DLG5: variants seen among roughly 807,000 people sequenced by gnomAD.
DLG5 encodes the protein discs large MAGUK scaffold protein 5.
Under a neutral mutation model 189.8 loss-of-function variants are expected in DLG5, and 48 were observed. The ratio of observed to expected loss-of-function variants is 0.25; its 90% CI spans 0.20 to 0.32. The LOEUF is 0.32. Among genes scored for constraint, DLG5 ranks in the 10% least tolerant of loss-of-function variants. The pLI, the probability that DLG5 is intolerant of heterozygous loss-of-function variation, is 1.00. For synonymous variants in DLG5, 1,016 were observed against 1,054.1 expected, an observed-to-expected ratio of 0.96 and a Z score of 0.70; for missense variants, 2,160 against 2,544.7, an observed-to-expected ratio of 0.85 and a Z score of 3.25.
At chr10:77,875,374 G>C (rs1464937847) in intron 1 of DLG5, among the ~76,000 whole-genome samples, 3 of 152,178 alleles carry the variant, frequency 2.0e-5, no homozygotes, top group Non-Finnish European at 4.4e-5. Context: ...TCTCAGAGCA[G>C]GGCTGGCTTG....
At chr10:77,920,389 C>T (rs753549382) in intron 1 of DLG5, among the ~76,000 whole-genome samples, 3 of 152,068 alleles carry the variant, frequency 2.0e-5, no homozygotes, top group East Asian at 1.9e-4. Context: ...CAGCAATGAC[C>T]GCCTGTGCTA....
chr10:77,938,927 G>A, the DLG5 span, among the ~76,000 whole-genome samples: 7 of 152,310 alleles, frequency 4.6e-5, no homozygotes, highest in Admixed American at 2.0e-4. Context: ...AGTGGCTCAC[G>A]CCTGTAATCC....
At chr10:77,865,058 A>T (rs1844618293) in intron 2 of DLG5, among the ~76,000 whole-genome samples, 1 of 152,206 alleles carries the variant, frequency 6.6e-6, no homozygotes, top group South Asian at 2.1e-4. Flanking sequence ...TCCTCCAGGA[A>T]GCTTTCTGTG....
At chr10:77,894,543 CTTTTT>C (rs35379334) in intron 1 of DLG5, among the ~76,000 whole-genome samples, 2 of 95,916 alleles carry the variant, frequency 2.1e-5, no homozygotes, top group Non-Finnish European at 1.9e-5. Context: ...AAGAATAAAG[CTTTTT>C]TTTTTTTTTT....
intron 31 of DLG5, chr10:77,793,618 T>C (rs1011880495): frequency 1.5e-5 from 3 of 199,710 alleles, no homozygotes; most frequent in South Asian, 2.3e-4. Context: ...CCCTGGAGGG[T>C]GCTAGGGACA....
rs1259735086 is a variant in DLG5 at position 77,816,987 on chromosome 10, G to T, written c.3874+20C>A. 1 of 1,611,240 alleles carries T rather than the reference G, an allele frequency of 6.2e-7. No homozygotes were observed. The highest frequency in any genetic ancestry group is 2.2e-5 in the East Asian group (1 of 44,864). ...ACCGCAGGAAAAGCAGGAGAGATGG[G>T]AATGTCGAGAAGTCCTTACCTCTCT... On this transcript the variant is annotated intron_variant, in intron 19 of 31. Coordinates refer to ENST00000372391, the MANE Select transcript of DLG5 (RefSeq NM_004747.4).
rs533681382 is a variant in DLG5, at chr10:77,872,163, G to A, written c.305-2966C>T. Among the ~76,000 whole-genome samples, 25 of 152,212 alleles carry A rather than the reference G, an allele frequency of 1.6e-4. No homozygotes were observed. In the South Asian group the frequency reaches 4.6e-3, roughly 28 times the overall value. ...CTATGCTCAACCCATCCCAGCTTAC[G>A]ACACTGGCAGCCTGCGCTCCAGATG... On this transcript the variant is annotated intron_variant, in intron 1 of 31. Transcript: ENST00000372391.
At chr10:77,880,316 T>C (rs757743235) in intron 1 of DLG5, among the ~76,000 whole-genome samples, 1 of 152,036 alleles carries the variant, frequency 6.6e-6, no homozygotes, top group Non-Finnish European at 1.5e-5. Flanking sequence ...TAGCCGGCCA[T>C]GGTGGCGCAT....
chr10:77,863,906 C>G (rs886294392), intron 2 of DLG5, among the ~76,000 whole-genome samples: 3 of 152,178 alleles, frequency 2.0e-5, no homozygotes, highest in South Asian at 4.1e-4. Context: ...GAAGACACAG[C>G]CCTGCCTTAC....
chr10:77,805,481 C>A (rs1444743829), intron 27 of DLG5, among the ~76,000 whole-genome samples, 184 bp downstream of exon 27: 1 of 152,218 alleles, frequency 6.6e-6, no homozygotes, highest in African/African-American at 2.4e-5. Flanking sequence ...AGGATGGAAG[C>A]CACACCCCAT....
At position 77,821,843 on chromosome 10, in the gene DLG5, G is replaced by A; in HGVS notation, c.2641C>T (p.Pro881Ser). 3 of 1,613,914 alleles carry A rather than the reference G, an allele frequency of 1.9e-6. No homozygotes were observed. Among genetic ancestry groups the A allele is most frequent in the Non-Finnish European group, 2.5e-6 (3 of 1,179,888 alleles). The change falls in exon 15 of 32, where the codon CCC becomes TCC. Residue 881 changes from proline (P) to serine (S), a missense_variant. By Grantham distance (74) the Pro-to-Ser change is moderately conservative. Transcript: ENST00000372391. ...TCAGAGGCACTGGGACAGGCCTGGG[G>A]GCAGACCTGCAAGGGTCCCCCAGGG... ...PFPGGPLQVC[P>S]QACPSASERS... is the part of the protein sequence containing the mutation.
chr10:77,928,144 T>A (rs2068730506), upstream of DLG5: 1 of 152,220 alleles, frequency 6.6e-6, no homozygotes. Context: ...TCTAAGCAGC[T>A]GCACAAGGTG....
chr10:77,885,380 A>T (rs1042177971), intron 1 of DLG5, among the ~76,000 whole-genome samples: 1 of 152,254 alleles, frequency 6.6e-6, no homozygotes, highest in Non-Finnish European at 1.5e-5. Context: ...TCACAGAAGG[A>T]TTTCAAATGC....
rs1568149634 is a variant in DLG5 at position 77,821,386 on chromosome 10, T to C, written c.3098A>G (p.Glu1033Gly). 1 of 1,612,498 alleles carries C rather than the reference T, an allele frequency of 6.2e-7. No individual in the cohort carries two copies. The highest frequency in any genetic ancestry group is 8.5e-7 in the Non-Finnish European group (1 of 1,179,902). Residue 1033 changes from glutamate to glycine, a missense_variant, in exon 15 of 32, where the codon GAG (glutamate) becomes GGG (glycine). Physicochemically the swap from Glu to Gly is moderately conservative, Grantham distance 98. This residue lies in a region of DLG5 where 754 missense variants were observed against 746.5 expected (regional missense o/e 1.01). Coordinates refer to ENST00000372391, the MANE Select transcript of DLG5 (RefSeq NM_004747.4). The part of the protein sequence containing the change: ...KFQHRLETSS[E>G]SEATLVGSSP... ...GCTGCCCACCAGAGTGGCTTCTGAC[T>C]CGGAGCTAGTCTCCAGCCTGTGCTG... is the stretch of plus-strand genomic sequence containing the variant.
In DLG5 at chr10:77,821,100, A is replaced by G. The variant is rs756464379; in HGVS notation, c.3384T>C (p.Ile1128=). 2.8e-5 allele frequency: 45 copies of G among 1,612,734 alleles called. No individual in the cohort carries two copies. The South Asian group carries it at 4.9e-4, about 18-fold the overall frequency. The change falls in exon 15 of 32, where the codon ATT becomes ATC. Residue 1128 remains isoleucine, a synonymous_variant. Transcript: ENST00000372391. ...SFRPKLAPVV[I]PAQFLEEQKC... ...GCTATACCTCCAGGAACTGAGCAGG[A>G]ATCACTACTGGAGCAAGCTTCGGCC...
intron 1 of DLG5, among the ~76,000 whole-genome samples, chr10:77,878,703 C>G (rs1005072246): frequency 6.6e-6 from 1 of 152,142 alleles, no homozygotes; most frequent in Non-Finnish European, 1.5e-5. Context: ...GCTTCCTCTC[C>G]CCTCCCACCA....
At chr10:77,879,064 AAATAAACAAACATAAACTGTATTGGGT>A (rs1182589694) in intron 1 of DLG5, among the ~76,000 whole-genome samples, 3 of 152,174 alleles carry the variant, frequency 2.0e-5, no homozygotes, top group Non-Finnish European at 2.9e-5. Context: ...GGCGGGGGAG[AAATAAACAAACATAAACTGTATTGGGT>A]AGTAAGTGCT....
At chr10:77,831,854 A>G (rs543570782) in intron 9 of DLG5, among the ~76,000 whole-genome samples, 1 of 152,378 alleles carries the variant, frequency 6.6e-6, no homozygotes, top group South Asian at 2.1e-4. Flanking sequence ...AAATAGTTAT[A>G]TTAGGATGAA....
intron 5 of DLG5, among the ~76,000 whole-genome samples, chr10:77,852,450 C>G (rs1844025888): frequency 6.6e-6 from 1 of 152,124 alleles, no homozygotes; most frequent in Admixed American, 6.5e-5. Context: ...GAATCTTGCT[C>G]TGTCACCCAG....
Sources: gnomAD v4.1 joint callset for allele counts (sites outside exome capture counted in the v4.1 genomes callset) on GRCh38, gnomAD v4.1.1 for gene constraint, gnomAD v4.1.1 regional missense constraint, MANE v1.5 for transcripts, NCBI Gene and HGNC (gene_info 2026-07-23, HGNC 2026-07-21) for gene names.